Variants in EXOC6 observed in about 807,000 individuals in gnomAD.
EXOC6 encodes the protein exocyst complex component 6.
A neutral mutation model predicts 112.5 loss-of-function variants in EXOC6; 60 were observed. The ratio of observed to expected loss-of-function variants is 0.53; its 90% CI spans 0.43 to 0.66. The LOEUF (loss-of-function observed/expected upper bound fraction) is 0.66. Ranked by LOEUF, EXOC6 falls within the 30% of genes least tolerant of loss-of-function variation. The pLI is 0.00. For synonymous variants in EXOC6, 295 were observed against 308.0 expected (o/e 0.96, Z 0.44); for missense variants, 855 against 957.1 (o/e 0.89, Z 1.41).
chr10:92,831,300 G>A (rs766931279), upstream of EXOC6: 45 of 1,288,352 alleles, frequency 3.5e-5, 1 homozygote, highest in East Asian at 5.5e-5. Flanking sequence ...AGGCTGAGCC[G>A]GCTGTACCGG....
chr10:93,025,133 T>A (rs1481858568), intron 20 of EXOC6, among the ~76,000 whole-genome samples: 1 of 152,210 alleles, frequency 6.6e-6, no homozygotes, highest in Non-Finnish European at 1.5e-5. Context: ...TATGTTTAAC[T>A]TTTTTAAAAA....
At chr10:92,991,203 C>T (rs112803938) in intron 18 of EXOC6, among the ~76,000 whole-genome samples, 2 of 151,032 alleles carry the variant, frequency 1.3e-5, no homozygotes, top group Non-Finnish European at 2.9e-5. Context: ...TTTGGGAGGC[C>T]GAGGTGGGCG....
At chr10:92,983,282 C>T (rs990571851) in intron 18 of EXOC6, among the ~76,000 whole-genome samples, 2 of 152,100 alleles carry the variant, frequency 1.3e-5, no homozygotes, top group Non-Finnish European at 2.9e-5. Context: ...GGAAAATAGA[C>T]CCTCTCCTTT....
intron 13 of EXOC6, 177 bp from the exon 14 acceptor site, chr10:92,948,097 C>T (rs919152966): frequency 1.2e-5 from 6 of 491,246 alleles, no homozygotes; most frequent in East Asian, 3.5e-5. Context: ...AGGGACAAGA[C>T]CTATTTGTTG....
chr10:92,975,487 C>A (rs1842502713), intron 18 of EXOC6, among the ~76,000 whole-genome samples: 1 of 149,252 alleles, frequency 6.7e-6, no homozygotes, highest in African/African-American at 2.5e-5. Flanking sequence ...GGGGGGTCAG[C>A]CCCCCGCCCA....
chr10:93,051,290 T>C (rs980217738), intron 20 of EXOC6, among the ~76,000 whole-genome samples: 1 of 152,232 alleles, frequency 6.6e-6, no homozygotes, highest in African/African-American at 2.4e-5. Context: ...ACTAATTCCT[T>C]TAAGCAGCTT....
At chr10:92,831,411 C>A, upstream of EXOC6, 4 of 963,244 alleles carry the variant, frequency 4.2e-6, no homozygotes, top group Non-Finnish European at 5.7e-6. Context: ...GTATAGTATT[C>A]TTCTATACTA....
intron 19 of EXOC6, among the ~76,000 whole-genome samples, chr10:93,000,558 G>T (rs1277358999): frequency 6.6e-6 from 1 of 152,166 alleles, no homozygotes; most frequent in African/African-American, 2.4e-5. Context: ...AGCCTGATGG[G>T]GGTTAAGGTC....
At chr10:92,934,268 G>GTT (rs397845003) in intron 10 of EXOC6, 42 bp from the exon 11 acceptor site, 195 of 1,173,810 alleles carry the variant, frequency 1.7e-4, no homozygotes, top group South Asian at 4.5e-4. Flanking sequence ...TTCTATTAGG[G>GTT]TTTTTTTTTT....
chr10:92,957,291 C>T (rs538232962), intron 17 of EXOC6, among the ~76,000 whole-genome samples: 1 of 152,088 alleles, frequency 6.6e-6, no homozygotes, highest in African/African-American at 2.4e-5. Context: ...AATATGCTTA[C>T]CCAGTACCCT....
At chr10:93,017,147 T>C (rs1203626300) in intron 20 of EXOC6, among the ~76,000 whole-genome samples, 1 of 152,104 alleles carries the variant, frequency 6.6e-6, no homozygotes, top group Non-Finnish European at 1.5e-5. Context: ...TTTTGTCATC[T>C]ACAGAATATT....
At chr10:92,932,016 A>G (rs1478853152) in intron 9 of EXOC6, among the ~76,000 whole-genome samples, 1 of 152,178 alleles carries the variant, frequency 6.6e-6, no homozygotes, top group African/African-American at 2.4e-5. Context: ...ATAAACACCA[A>G]AAACTAGAGA....
chr10:93,040,107 C>T (rs1490605651), intron 20 of EXOC6, among the ~76,000 whole-genome samples: 1 of 152,188 alleles, frequency 6.6e-6, no homozygotes, highest in Non-Finnish European at 1.5e-5. Context: ...TATCTATATC[C>T]ACACCCATTC....
intron 19 of EXOC6, among the ~76,000 whole-genome samples, chr10:93,011,114 CTTTA>C (rs1372652907): frequency 6.7e-6 from 1 of 150,302 alleles, no homozygotes; most frequent in Non-Finnish European, 1.5e-5. Context: ...CATAGAAAGT[CTTTA>C]TTTATGAGTA....
chr10:92,910,472 C>T (rs1201621538), intron 6 of EXOC6, among the ~76,000 whole-genome samples: 9 of 151,824 alleles, frequency 5.9e-5, no homozygotes, highest in Admixed American at 5.3e-4. Flanking sequence ...GGGGAAATTG[C>T]CTAGGAAAGG....
intron 18 of EXOC6, among the ~76,000 whole-genome samples, chr10:92,994,354 A>C (rs1843388776): frequency 6.6e-6 from 1 of 152,200 alleles, no homozygotes; most frequent in African/African-American, 2.4e-5. Flanking sequence ...AAAAGGATCT[A>C]ATATGTCAGC....
intron 1 of EXOC6, among the ~76,000 whole-genome samples, chr10:92,884,329 T>TC (rs1250410839): frequency 6.6e-6 from 1 of 152,224 alleles, no homozygotes; most frequent in African/African-American, 2.4e-5. Flanking sequence ...TATTTGGAAG[T>TC]CCATTTTCTT....
chr10:93,019,391 T>C (rs917238420), intron 20 of EXOC6, among the ~76,000 whole-genome samples: 3 of 152,238 alleles, frequency 2.0e-5, no homozygotes, highest in African/African-American at 7.2e-5. Flanking sequence ...CTTACAGCAA[T>C]TAGTTAAAAT....
intron 1 of EXOC6, among the ~76,000 whole-genome samples, chr10:92,836,497 G>T (rs567856993): frequency 1.3e-5 from 2 of 152,218 alleles, no homozygotes; most frequent in Admixed American, 6.5e-5. Flanking sequence ...CATGCAGTGG[G>T]CCTAAAATGC....
Sources: allele counts gnomAD v4.1 joint callset (sites outside exome capture counted in the v4.1 genomes callset), GRCh38; gene constraint gnomAD v4.1.1; transcripts MANE v1.5; gene names NCBI Gene and HGNC (gene_info 2026-07-23, HGNC 2026-07-21).